JAKMIP3: variants seen among roughly 807,000 people sequenced by gnomAD.
JAKMIP3 encodes Janus kinase and microtubule interacting protein 3, also known as janus kinase and microtubule-interacting protein 3.
A neutral mutation model predicts 118.5 loss-of-function variants in JAKMIP3; 58 were observed. The ratio of observed to expected loss-of-function variants is 0.49; its 90% CI spans 0.40 to 0.61. The LOEUF is 0.61. Among genes scored for constraint, JAKMIP3 ranks in the 20% least tolerant of loss-of-function variants. The pLI is 0.00. For synonymous variants in JAKMIP3, 486 were observed against 451.2 expected (o/e 1.08, Z -0.98); for missense variants, 950 against 1,109.0 (o/e 0.86, Z 2.04).
At position 132,095,228 on chromosome 10, in the gene JAKMIP3, A is replaced by C. The variant is rs145768479; in HGVS notation, c.-137-9444A>C. On this transcript the variant is annotated intron_variant, in intron 1 of 23. Transcript: ENST00000684848. ...GTCACTGGATTCACACCCTCCCCCAAGTTCTGGCCAGGAGGCTTCTCCTTA... is the reference window on the plus strand; with the variant it reads ...GTCACTGGATTCACACCCTCCCCCACGTTCTGGCCAGGAGGCTTCTCCTTA... Among the ~76,000 whole-genome samples, 518 of 152,268 alleles carry C rather than the reference A, an allele frequency of 3.4e-3. 6 individuals are homozygous for C. Among genetic ancestry groups the C allele is most frequent in the African/African-American group, 0.012 (489 of 41,548 alleles).
At position 132,041,431 on chromosome 10, in the gene JAKMIP3, C is replaced by T. The variant is rs558926412; in HGVS notation, c.-138+4693C>T. ...ATGAGGGCGGCTGTATGCAGGATCC[C>T]GGCAGCATGGGCTGTGTTCTGGGAG... On this transcript the variant is annotated intron_variant, in intron 1 of 23. Coordinates refer to the JAKMIP3 transcript ENST00000657785. 3.4e-3 allele frequency among the ~76,000 whole-genome samples: 513 copies of T among 152,298 alleles called. 4 individuals are homozygous for T. Among genetic ancestry groups the T allele is most frequent in the Non-Finnish European group, 5.1e-3 (350 of 68,020 alleles).
In JAKMIP3 at chr10:132,066,081, CT is replaced by C. The variant is rs1320776316; in HGVS notation, c.-138+21del. Among the ~76,000 whole-genome samples, 2 of 152,186 alleles carry C rather than the reference CT, an allele frequency of 1.3e-5. No individual in the cohort carries two copies. Among genetic ancestry groups the C allele is most frequent in the Admixed American group, 1.3e-4 (2 of 15,276 alleles). ...TGGAATGTGAGTGTTTATTTTCTGACTGCTGCAGAGGCTTTGTTGGTTTCGG... is the reference window on the plus strand; with the variant it reads ...TGGAATGTGAGTGTTTATTTTCTGACGCTGCAGAGGCTTTGTTGGTTTCGG... On this transcript the variant is annotated intron_variant, in intron 1 of 23. Coordinates refer to ENST00000684848, the MANE Select transcript of JAKMIP3 (RefSeq NM_001323087.2).
At chr10:132,151,015 A>G (rs1362770817) in intron 16 of JAKMIP3, among the ~76,000 whole-genome samples, 1 of 150,914 alleles carries the variant, frequency 6.6e-6, no homozygotes, top group East Asian at 2.0e-4. Context: ...TCTATCCACC[A>G]TCCTCCATCC....
chr10:132,104,539 G>A (rs922753924), intron 1 of JAKMIP3, 133 bp from the exon 2 acceptor site: 28 of 456,026 alleles, frequency 6.1e-5, no homozygotes, highest in African/African-American at 2.9e-4. Context: ...CCTGGCCTGC[G>A]TCGTCCAGGT....
At chr10:132,149,592 C>T (rs1373307830) in intron 15 of JAKMIP3, 82 bp downstream of exon 15, 2 of 139,956 alleles carry the variant, frequency 1.4e-5, no homozygotes, top group Non-Finnish European at 2.6e-5. Context: ...GCCCCACCCC[C>T]CTCCGCCCCC....
chr10:132,045,364 GC>G (rs1242054512), intron 1 of JAKMIP3, among the ~76,000 whole-genome samples: 3 of 152,070 alleles, frequency 2.0e-5, no homozygotes, highest in Non-Finnish European at 4.4e-5. Context: ...TGTCTCCCCG[GC>G]AGATTTTAAG....
chr10:132,098,126 C>G (rs1370210457), intron 1 of JAKMIP3, among the ~76,000 whole-genome samples: 2 of 151,538 alleles, frequency 1.3e-5, no homozygotes, highest in Non-Finnish European at 2.9e-5. Context: ...GCCTTGACCT[C>G]CCAGCCCCAA....
chr10:132,106,264 G>A (rs1431733404), intron 2 of JAKMIP3, among the ~76,000 whole-genome samples: 2 of 152,068 alleles, frequency 1.3e-5, no homozygotes, highest in Non-Finnish European at 2.9e-5. Flanking sequence ...CTTGAGTCTA[G>A]GAGGTTGAGG....
In JAKMIP3 at chr10:132,137,306, C is replaced by T. The variant is rs777897346; in HGVS notation, c.1284+17C>T. The T allele has an allele frequency of 6.2e-7, 1 of 1,613,700 alleles. No homozygotes were observed. The highest frequency in any genetic ancestry group is 1.1e-5 in the South Asian group (1 of 91,078). ...AGCGTGTTAGTAAGTATGGTCAGCG[C>T]CCGCTTCCCCACGCCTCCGCTCCCC... On this transcript the variant is annotated intron_variant, in intron 8 of 23. Coordinates refer to ENST00000684848, the MANE Select transcript of JAKMIP3 (RefSeq NM_001323087.2).
chr10:132,137,191 C>T (rs1262738674), intron 7 of JAKMIP3, 41 bp downstream of exon 7: 1 of 1,613,924 alleles, frequency 6.2e-7, no homozygotes, highest in African/African-American at 1.3e-5. Flanking sequence ...TCCTCTGGCT[C>T]CCAAGGGGCT....
chr10:132,138,304 G>A lies in JAKMIP3; in HGVS notation c.1344+126G>A, dbSNP rs1292690034. ...TGCGCCGGTGTACGTGGAGGGCGCT[G>A]GGTGTGTGTGCCGAGGACCGCGCCC... On this transcript the variant is annotated intron_variant, in intron 9 of 23. Coordinates refer to ENST00000684848, the MANE Select transcript of JAKMIP3 (RefSeq NM_001323087.2). 6.7e-5 allele frequency: 57 copies of A among 848,556 alleles called. 1 individual carries two copies. The highest frequency in any genetic ancestry group is 5.0e-4 in the Admixed American group (23 of 46,272). 52.6% of individuals were successfully genotyped at this position (848,556 alleles called of 1,614,324 possible).
At chr10:132,137,791 G>A (rs964551421) in intron 8 of JAKMIP3, among the ~76,000 whole-genome samples, 5 of 152,218 alleles carry the variant, frequency 3.3e-5, no homozygotes, top group African/African-American at 9.6e-5. Flanking sequence ...CTGGCCATGA[G>A]TCCCCTTCCA....
chr10:132,180,692 CGTGCGTGTGTGTGTGCGCGTGTGT>C (rs2061077950), intron 23 of JAKMIP3, among the ~76,000 whole-genome samples: 1 of 11,272 alleles, frequency 8.9e-5, no homozygotes, highest in Non-Finnish European at 1.8e-4. Context: ...CGTGTGTGTG[CGTGCGTGTGTGTGTGCGCGTGTGT>C]GTGCGTGTGT....
chr10:132,057,647 G>A (rs373707475), intron 1 of JAKMIP3, among the ~76,000 whole-genome samples: 14 of 152,308 alleles, frequency 9.2e-5, no homozygotes, highest in East Asian at 7.7e-4. Flanking sequence ...TGTGTTCTCC[G>A]CTTGGCCTTC....
intron 14 of JAKMIP3, among the ~76,000 whole-genome samples, chr10:132,149,044 T>G (rs2055274834): frequency 1.3e-5 from 2 of 152,148 alleles, no homozygotes; most frequent in Admixed American, 6.5e-5. Flanking sequence ...CTCCAGAGGC[T>G]CCTCTGGTCA....
Position 132,184,214 on chromosome 10 carries a change from G to C in JAKMIP3, c.*2961G>C, listed in dbSNP as rs139510849. Reference sequence around the variant, plus strand: ...TTGTTTACCTTGTGCCCATGGTCCAGATTTTGAGCTGGAGAAGGACTATGG... The same window carrying C: ...TTGTTTACCTTGTGCCCATGGTCCACATTTTGAGCTGGAGAAGGACTATGG... On this transcript the variant is annotated 3_prime_UTR_variant, in exon 24 of 24. Coordinates refer to ENST00000684848, the MANE Select transcript of JAKMIP3 (RefSeq NM_001323087.2). 1.3e-5 allele frequency: 2 copies of C among 152,256 alleles called. No homozygotes were observed. Among genetic ancestry groups the C allele is most frequent in the Non-Finnish European group, 2.9e-5 (2 of 68,052 alleles). 9.4% of individuals were successfully genotyped at this position (152,256 alleles called of 1,614,324 possible).
chr10:132,129,344 A>G (rs1306662615), intron 3 of JAKMIP3, among the ~76,000 whole-genome samples: 1 of 152,066 alleles, frequency 6.6e-6, no homozygotes, highest in Non-Finnish European at 1.5e-5. Flanking sequence ...TTACATTTCT[A>G]CTTACCATTC....
chr10:132,171,651 TC>T (rs1200225283), intron 23 of JAKMIP3, among the ~76,000 whole-genome samples: 174 of 129,554 alleles, frequency 1.3e-3, no homozygotes, highest in African/African-American at 5.0e-3. Flanking sequence ...TTTTTTTCTT[TC>T]TTTTTTTTTT....
chr10:132,097,975 C>CCCAT (rs1554928317), intron 1 of JAKMIP3, among the ~76,000 whole-genome samples: 1 of 34,582 alleles, frequency 2.9e-5, no homozygotes, highest in African/African-American at 9.3e-5. Context: ...CCTTCCTTTT[C>CCCAT]TCCCCTTCCC....
Sources: gnomAD v4.1 joint callset for allele counts (sites outside exome capture counted in the v4.1 genomes callset) on GRCh38, gnomAD v4.1.1 for gene constraint, MANE v1.5 for transcripts, NCBI Gene and HGNC (gene_info 2026-07-23, HGNC 2026-07-21) for gene names.